The following GLDC variants were observed in gnomAD, a reference collection of about 807,000 sequenced individuals.
GLDC encodes the protein glycine dehydrogenase (decarboxylating), mitochondrial.
A neutral mutation model predicts 121.3 loss-of-function variants in GLDC; 104 were observed. That is an observed-to-expected ratio of 0.86 (90% confidence interval 0.73 to 1.01). The LOEUF is 1.01. GLDC is among the 50% of genes least tolerant of loss of function. The pLI is 0.00. For synonymous variants in GLDC, 546 were observed against 480.6 expected, an observed-to-expected ratio of 1.14 and a Z score of -1.78; for missense variants, 1,429 against 1,306.6, an observed-to-expected ratio of 1.09 and a Z score of -1.44.
At position 6,645,715 on chromosome 9, in the gene GLDC, T is replaced by C. The variant is rs907651358; in HGVS notation, c.-216A>G. Reference sequence around the variant, plus strand: ...AAGTTGTGGCTCCACCCAAGGCACCTGCTCCGCACACTTTAAGCGGCGCCC... The same window carrying C: ...AAGTTGTGGCTCCACCCAAGGCACCCGCTCCGCACACTTTAAGCGGCGCCC... On this transcript the variant is annotated 5_prime_UTR_variant, in exon 1 of 25. Coordinates refer to ENST00000321612, the MANE Select transcript of GLDC (RefSeq NM_000170.3). 1.3e-5 allele frequency: 4 copies of C among 298,796 alleles called. No homozygotes were observed. The East Asian group carries it at 2.5e-4, about 19-fold the overall frequency. 18.5% of individuals were successfully genotyped at this position (298,796 alleles called of 1,614,324 possible).
rs1397277627 is a variant in GLDC at position 6,569,731 on chromosome 9, G to C, written c.1851-4302C>G. The stretch of plus-strand genomic sequence containing the variant: ...GCCTGCATGCCTGTAATCACAGCAC[G>C]TTGGGAGGCCGAGGCGAGCGGATTA... On this transcript the variant is annotated intron_variant, in intron 15 of 24. Coordinates refer to ENST00000321612, the MANE Select transcript of GLDC (RefSeq NM_000170.3). Among the ~76,000 whole-genome samples, 3 of 151,522 alleles carry C rather than the reference G, an allele frequency of 2.0e-5. No individual in the cohort carries two copies. In the East Asian group the frequency reaches 5.8e-4, roughly 29 times the overall value.
In GLDC at chr9:6,569,911, G is replaced by A. The variant is rs541677190; in HGVS notation, c.1851-4482C>T. ...GAATCGCTTAAAGCAAGGAGGTGGA[G>A]GCTGCAGTGATGTAAGATCGCGCCA... On this transcript the variant is annotated intron_variant, in intron 15 of 24. Coordinates refer to ENST00000321612, the MANE Select transcript of GLDC (RefSeq NM_000170.3). Among the ~76,000 whole-genome samples, 6 of 152,178 alleles carry A rather than the reference G, an allele frequency of 3.9e-5. No individual in the cohort carries two copies. The East Asian group carries it at 7.7e-4, about 20-fold the overall frequency.
intron 2 of GLDC, among the ~76,000 whole-genome samples, chr9:6,629,501 A>AAAAC (rs1265077511): frequency 6.6e-6 from 1 of 152,044 alleles, no homozygotes; most frequent in African/African-American, 2.4e-5. Context: ...TCAATACATT[A>AAAAC]CTAGGACTAG....
chr9:6,606,403 C>CA (rs1427447285), intron 5 of GLDC, among the ~76,000 whole-genome samples, 189 bp downstream of exon 5: 7 of 151,676 alleles, frequency 4.6e-5, no homozygotes, highest in Non-Finnish European at 1.0e-4. Context: ...AATTCTGACA[C>CA]AGTTTACTTA....
chr9:6,542,304 T>C (rs1817283579), intron 21 of GLDC: 1 of 152,332 alleles, frequency 6.6e-6, no homozygotes, highest in Admixed American at 6.5e-5. Flanking sequence ...AGTAGTGCCA[T>C]AACAGCTCAC....
At chr9:6,597,809 A>C (rs572743401) in intron 8 of GLDC, among the ~76,000 whole-genome samples, 1 of 152,052 alleles carries the variant, frequency 6.6e-6, no homozygotes, top group East Asian at 1.9e-4. Context: ...GGTAGCAGAC[A>C]CCTGTAGTCC....
At chr9:6,535,547 A>G (rs1193053565) in intron 23 of GLDC, among the ~76,000 whole-genome samples, 1 of 152,046 alleles carries the variant, frequency 6.6e-6, no homozygotes, top group Non-Finnish European at 1.5e-5. Context: ...TCCACTCCTG[A>G]TCTTCCAGCT....
chr9:6,554,872 C>T (rs1384363875), intron 18 of GLDC, 91 bp from the exon 19 acceptor site: 4 of 901,650 alleles, frequency 4.4e-6, no homozygotes, highest in Non-Finnish European at 1.8e-6. Context: ...CTGCCTTCTC[C>T]CCTCAGAGGA....
chr9:6,599,161 G>A (rs1420848307), intron 8 of GLDC, among the ~76,000 whole-genome samples: 3 of 150,654 alleles, frequency 2.0e-5, no homozygotes, highest in Non-Finnish European at 4.4e-5. Context: ...TCCAGCCTGG[G>A]CAACAAGAGA....
intron 3 of GLDC, among the ~76,000 whole-genome samples, chr9:6,615,825 G>C (rs1168460725): frequency 3.9e-5 from 6 of 152,134 alleles, no homozygotes; most frequent in African/African-American, 1.2e-4. Context: ...TGTTGGCCAG[G>C]CTGGTCTTGA....
chr9:6,585,445 T>C (rs548828628), intron 15 of GLDC, among the ~76,000 whole-genome samples: 8 of 152,340 alleles, frequency 5.3e-5, no homozygotes, highest in African/African-American at 1.7e-4. Context: ...AAAGAAGGTA[T>C]ACTAAAGCTT....
At chr9:6,544,065 C>G (rs1817332387) in intron 21 of GLDC, among the ~76,000 whole-genome samples, 1 of 152,188 alleles carries the variant, frequency 6.6e-6, no homozygotes, top group African/African-American at 2.4e-5. Flanking sequence ...TTACTTATCC[C>G]CCATCCTCAA....
chr9:6,609,620 A>C (rs960613389), intron 4 of GLDC, among the ~76,000 whole-genome samples: 3 of 149,130 alleles, frequency 2.0e-5, no homozygotes, highest in South Asian at 2.1e-4. Context: ...AAACACCCTC[A>C]CCCCCACCCC....
intron 15 of GLDC, among the ~76,000 whole-genome samples, chr9:6,580,034 C>G (rs1167456799): frequency 6.6e-6 from 1 of 152,232 alleles, no homozygotes; most frequent in Non-Finnish European, 1.5e-5. Flanking sequence ...AGAATCCACA[C>G]AGTCTCAGAA....
In GLDC at chr9:6,587,347, T is replaced by C. The variant is rs962134433; in HGVS notation, c.1708-64A>G. 3 of 1,204,216 alleles carry C rather than the reference T, an allele frequency of 2.5e-6. No individual in the cohort carries two copies. The Admixed American group carries it at 5.1e-5, about 20-fold the overall frequency. 74.6% of individuals were successfully genotyped at this position (1,204,216 alleles called of 1,614,324 possible). On this transcript the variant is annotated intron_variant, in intron 14 of 24. Transcript: ENST00000321612. ...ATAATAGCAATAGCAATAATAACTT[T>C]AATAATAATGACGATGATGAGAAAA...
At chr9:6,570,793 C>T (rs138060672) in intron 15 of GLDC, among the ~76,000 whole-genome samples, 1 of 149,032 alleles carries the variant, frequency 6.7e-6, no homozygotes, top group Non-Finnish European at 1.5e-5. Flanking sequence ...GGTGGAGGTT[C>T]CAGTGAGCTG....
intron 8 of GLDC, among the ~76,000 whole-genome samples, chr9:6,601,433 G>C (rs1818608463): frequency 1.3e-5 from 2 of 152,202 alleles, no homozygotes; most frequent in Non-Finnish European, 1.5e-5. Context: ...TAAAAGTGAA[G>C]ACTGGCCTTT....
Position 6,585,469 on chromosome 9 carries a change from T to C in GLDC, c.1850+1672A>G, listed in dbSNP as rs1818250151. Reference sequence around the variant, plus strand: ...ATACTAAAGCTTGACTTTCATGCTATCAGCTCCTACCTATTTATGAAGTGA... The same window carrying C: ...ATACTAAAGCTTGACTTTCATGCTACCAGCTCCTACCTATTTATGAAGTGA... On this transcript the variant is annotated intron_variant, in intron 15 of 24. Coordinates refer to ENST00000321612, the MANE Select transcript of GLDC (RefSeq NM_000170.3). Among the ~76,000 whole-genome samples, 4 of 152,114 alleles carry C rather than the reference T, an allele frequency of 2.6e-5. No homozygotes were observed. The South Asian group carries it at 8.3e-4, about 32-fold the overall frequency.
At chr9:6,604,997 G>A (rs1563856925) in intron 6 of GLDC, 134 bp downstream of exon 6, 1 of 1,017,956 alleles carries the variant, frequency 9.8e-7, no homozygotes. Flanking sequence ...AAGGAGTCAG[G>A]AAGGAGAGTT....
Sources: allele counts gnomAD v4.1 joint callset (sites outside exome capture counted in the v4.1 genomes callset), GRCh38; gene constraint gnomAD v4.1.1; transcripts MANE v1.5; gene names NCBI Gene and HGNC (gene_info 2026-07-23, HGNC 2026-07-21).